The following INKA2 variants were observed in gnomAD, a reference collection of about 807,000 sequenced individuals.
The protein encoded by INKA2 is inka box actin regulator 2, also known as PAK4-inhibitor INKA2.
Under a neutral mutation model 9.8 loss-of-function variants are expected in INKA2, and 3 were observed. The ratio of observed to expected loss-of-function variants is 0.31; its 90% CI spans 0.14 to 0.79. INKA2 has a LOEUF of 0.79. INKA2 is among the 30% of genes least tolerant of loss of function. INKA2 has a pLI of 0.62. For synonymous variants in INKA2, 147 were observed against 143.3 expected (o/e 1.03, Z -0.18); for missense variants, 392 against 384.4 (o/e 1.02, Z -0.17).
Position 111,725,574 on chromosome 1 carries a change from G to A in INKA2, c.*1394C>T, listed in dbSNP as rs1055467059. 1 of 152,278 alleles carries A rather than the reference G, an allele frequency of 6.6e-6. No homozygotes were observed. Among genetic ancestry groups the A allele is most frequent in the Non-Finnish European group, 1.5e-5 (1 of 68,084 alleles). 9.4% of individuals were successfully genotyped at this position (152,278 alleles called of 1,614,324 possible). On this transcript the variant is annotated 3_prime_UTR_variant, in exon 2 of 2. Coordinates refer to ENST00000357260, the MANE Select transcript of INKA2 (RefSeq NM_019099.5). ...AGGCCTGGGACTGCTGTGTCTAGTGGGGAGAAGGCCACGGAATGGAGCTGG... is the reference window on the plus strand; with the variant it reads ...AGGCCTGGGACTGCTGTGTCTAGTGAGGAGAAGGCCACGGAATGGAGCTGG...
rs776026457 is a variant in INKA2 at position 111,727,019 on chromosome 1, G to T, written c.843C>A (p.Ala281=). The T allele has an allele frequency of 6.2e-7, 1 of 1,614,004 alleles. No homozygotes were observed. Among genetic ancestry groups the T allele is most frequent in the Non-Finnish European group, 8.5e-7 (1 of 1,180,012 alleles). ...CAAATCCTGAGGGTGAGTGCTCCAG[G>T]GCCTTGGGGCAGCTTGTGGGGGGAT... is the stretch of plus-strand genomic sequence containing the variant. ...GENPPTSCPK[A]LEHSPSGFDI... is the part of the protein sequence containing the mutation. The change falls in exon 2 of 2, where the codon GCC becomes GCA. Residue 281 remains alanine (A), a synonymous_variant. Transcript: ENST00000357260.
intron 1 of INKA2, chr1:111,755,323 A>AGGAGATAAATGGGGTTTATCTCACC (rs1663514629): frequency 3.7e-6 from 1 of 267,372 alleles, no homozygotes; most frequent in Non-Finnish European, 7.1e-6. Context: ...GGGACTTGCT[A>AGGAGATAAATGGGGTTTATCTCACC]GGAGATAAAT....
chr1:111,741,376 A>C (rs1287654844), upstream of INKA2, among the ~76,000 whole-genome samples: 1 of 152,244 alleles, frequency 6.6e-6, no homozygotes, highest in Non-Finnish European at 1.5e-5. Flanking sequence ...CAGTCTGAGC[A>C]GTATTGGCCC....
chr1:111,752,100 T>C (rs567320746), intron 1 of INKA2, among the ~76,000 whole-genome samples: 2 of 152,330 alleles, frequency 1.3e-5, no homozygotes, highest in Admixed American at 6.5e-5. Context: ...TCCTCCTTCC[T>C]GCTGGCTGCA....
chr1:111,726,327 C>G lies in INKA2; in HGVS notation c.*641G>C, dbSNP rs1008648384. 3 of 363,104 alleles carry G rather than the reference C, an allele frequency of 8.3e-6. No homozygotes were observed. The highest frequency in any genetic ancestry group is 6.3e-5 in the African/African-American group (3 of 47,700). 22.5% of individuals were successfully genotyped at this position (363,104 alleles called of 1,614,324 possible). On this transcript the variant is annotated 3_prime_UTR_variant, in exon 2 of 2. Transcript: ENST00000357260. ...AGTGTCTAGGGCTTCCCTGGCTGCTCCTTACACACTGTACTCCTTATTCAG... is the reference window on the plus strand; with the variant it reads ...AGTGTCTAGGGCTTCCCTGGCTGCTGCTTACACACTGTACTCCTTATTCAG...
intron 1 of INKA2, chr1:111,745,808 T>C (rs1052177443): frequency 6.6e-6 from 1 of 152,148 alleles, no homozygotes; most frequent in Admixed American, 6.5e-5. Flanking sequence ...AACCTTACCA[T>C]GGCCTGGAAC....
chr1:111,739,238 G>C lies in INKA2; in HGVS notation c.5C>G (p.Thr2Arg). The C allele has an allele frequency of 6.2e-7, 1 of 1,613,764 alleles. No homozygotes were observed. The highest frequency in any genetic ancestry group is 8.5e-7 in the Non-Finnish European group (1 of 1,179,776). ...GCAGTCCATTTCCCTGCTCTCCATC[G>C]TCATGCGCCCATTTGTCGGGTTCGG... is the stretch of plus-strand genomic sequence containing the variant. M[T>R]MESREMDCYL... Residue 2 changes from threonine to arginine, a missense_variant, in exon 1 of 2, where the codon ACG (threonine) becomes AGG (arginine). Coordinates refer to ENST00000357260, the MANE Select transcript of INKA2 (RefSeq NM_019099.5).
At chr1:111,749,034 G>A (rs1663335057) in intron 1 of INKA2, among the ~76,000 whole-genome samples, 1 of 152,208 alleles carries the variant, frequency 6.6e-6, no homozygotes, top group South Asian at 2.1e-4. Flanking sequence ...AAAGGGTGGA[G>A]GGAATAGAAA....
chr1:111,727,923 C>A, intron 1 of INKA2, 119 bp from the exon 2 acceptor site: 1 of 903,042 alleles, frequency 1.1e-6, no homozygotes. Context: ...CAGCCTGCCA[C>A]CAGCCCCATC....
intron 1 of INKA2, among the ~76,000 whole-genome samples, chr1:111,735,361 A>T (rs1244934497): frequency 6.6e-6 from 1 of 152,254 alleles, no homozygotes; most frequent in Admixed American, 6.5e-5. Flanking sequence ...CACATCTGAC[A>T]CTGTGCTATG....
At chr1:111,731,593 C>T (rs1343421577) in intron 1 of INKA2, among the ~76,000 whole-genome samples, 2 of 152,164 alleles carry the variant, frequency 1.3e-5, no homozygotes, top group Non-Finnish European at 2.9e-5. Context: ...CTCAAGCCAT[C>T]CTCCCACATC....
Position 111,725,470 on chromosome 1 carries a change from CT to C in INKA2, c.*1497del. ...CTCCTGGGCCACGTGCCCAGAGTGGCTTTAGAGAAGCCGGAGCTGAGCTGCT... is the reference window on the plus strand; with the variant it reads ...CTCCTGGGCCACGTGCCCAGAGTGGCTTAGAGAAGCCGGAGCTGAGCTGCT... On this transcript the variant is annotated 3_prime_UTR_variant, in exon 2 of 2. Coordinates refer to ENST00000357260, the MANE Select transcript of INKA2 (RefSeq NM_019099.5). 6.6e-6 allele frequency: 1 copy of C among 152,638 alleles called. No individual in the cohort carries two copies. The highest frequency in any genetic ancestry group is 1.5e-5 in the Non-Finnish European group (1 of 68,276). The allele number at this position is 152,638 out of a possible 1,614,324, so 9.5% of individuals were successfully genotyped here. A position where few individuals can be genotyped will look rare whatever the true frequency, so the allele number is the denominator to read the frequency against.
chr1:111,754,809 A>T (rs1204759139), intron 1 of INKA2: 1 of 152,256 alleles, frequency 6.6e-6, no homozygotes, highest in Non-Finnish European at 1.5e-5. Flanking sequence ...GATGCAGAGG[A>T]GAACAAGACA....
chr1:111,735,786 T>C (rs74569000), intron 1 of INKA2, among the ~76,000 whole-genome samples: 4,372 of 152,270 alleles, frequency 0.029, 83 homozygotes, highest in East Asian at 0.064. Flanking sequence ...CCTTACCCAT[T>C]TGCCAGAACC....
At chr1:111,755,377 G>A (rs1341067436) in intron 1 of INKA2, 1 of 429,698 alleles carries the variant, frequency 2.3e-6, no homozygotes, top group African/African-American at 2.1e-5. Flanking sequence ...ACAGCAGATG[G>A]ACACACCAGC....
Position 111,739,325 on chromosome 1 carries a change from T to TCCCCGCCCCTGCG in INKA2, c.-96_-84dup. Reference sequence around the variant, plus strand: ...ACTGGAAACTGCGCTCCGGGCCGGCTCCCCGCCCCTGCGCCCGTAGCGCTC... The same window carrying TCCCCGCCCCTGCG: ...ACTGGAAACTGCGCTCCGGGCCGGCTCCCCGCCCCTGCGCCCCGCCCCTGCGCCCGTAGCGCTC... On this transcript the variant is annotated 5_prime_UTR_variant, in exon 1 of 2. Transcript: ENST00000357260. The TCCCCGCCCCTGCG allele has an allele frequency of 6.3e-7, 1 of 1,583,548 alleles. No homozygotes were observed. The highest frequency in any genetic ancestry group is 1.1e-5 in the South Asian group (1 of 88,260).
chr1:111,748,844 C>A (rs1663329930), intron 1 of INKA2, among the ~76,000 whole-genome samples: 2 of 152,232 alleles, frequency 1.3e-5, no homozygotes, highest in African/African-American at 4.8e-5. Context: ...ACAATTACTT[C>A]TTCTTTCCTG....
At chr1:111,729,376 C>T (rs1350595893) in intron 1 of INKA2, among the ~76,000 whole-genome samples, 1 of 152,222 alleles carries the variant, frequency 6.6e-6, no homozygotes, top group Non-Finnish European at 1.5e-5. Context: ...GGCTCTGCCG[C>T]CCCGGCCAAG....
At chr1:111,750,392 GAA>G (rs1663380092) in intron 1 of INKA2, among the ~76,000 whole-genome samples, 1 of 152,212 alleles carries the variant, frequency 6.6e-6, no homozygotes, top group African/African-American at 2.4e-5. Context: ...GCAGGGTCAT[GAA>G]ATAATACATT....
Sources: gnomAD v4.1 joint callset for allele counts (sites outside exome capture counted in the v4.1 genomes callset) on GRCh38, gnomAD v4.1.1 for gene constraint, MANE v1.5 for transcripts, NCBI Gene and HGNC (gene_info 2026-07-23, HGNC 2026-07-21) for gene names.